Variants in NUP85 observed in about 807,000 individuals in gnomAD.
NUP85 encodes nucleoporin 85.
NUP85 carries 23 observed loss-of-function variants against 92.8 expected under a neutral mutation model. The ratio of observed to expected loss-of-function variants is 0.25; its 90% CI spans 0.18 to 0.35. The LOEUF (loss-of-function observed/expected upper bound fraction) is 0.35. Ranked by LOEUF, NUP85 falls within the 10% of genes least tolerant of loss-of-function variation. The pLI, the probability that NUP85 is intolerant of heterozygous loss-of-function variation, is 1.00. For missense variants in NUP85, 759 were observed against 822.8 expected (o/e 0.92, Z 0.95); for synonymous variants, 314 against 306.9 (o/e 1.02, Z -0.24).
chr17:75,212,081 TGCGC>T lies in NUP85; in HGVS notation c.361+23_361+26del, dbSNP rs539810910. The stretch of plus-strand genomic sequence containing the variant: ...GTTGCAAGTAAGGACTGTGTGCGCG[TGCGC>T]GCGTGTGTGTGTGTGTGTGTGTGTG... On this transcript the variant is annotated intron_variant, in intron 4 of 18. Coordinates refer to ENST00000245544, the MANE Select transcript of NUP85 (RefSeq NM_024844.5). 17 of 1,311,752 alleles carry T rather than the reference TGCGC, an allele frequency of 1.3e-5. No individual in the cohort carries two copies. The highest frequency in any genetic ancestry group is 9.6e-5 in the East Asian group (4 of 41,596). The allele number at this position is 1,311,752 out of a possible 1,614,324, so 81.3% of individuals were successfully genotyped here.
Position 75,225,140 on chromosome 17 carries a change from C to G in NUP85, c.635C>G (p.Ala212Gly). 3.1e-6 allele frequency: 5 copies of G among 1,596,740 alleles called. No individual in the cohort carries two copies. The highest frequency in any genetic ancestry group is 4.3e-6 in the Non-Finnish European group (5 of 1,169,944). The change falls in exon 8 of 19, where the codon GCC becomes GGC. Residue 212 changes from alanine (A) to glycine (G), a missense_variant. Coordinates refer to ENST00000245544, the MANE Select transcript of NUP85 (RefSeq NM_024844.5). ...GTGCTGCAGGGCCGGCTGGATGAGGCCCGACAGATGCTCTCCAAGGAAGCC... is the reference window on the plus strand; with the variant it reads ...GTGCTGCAGGGCCGGCTGGATGAGGGCCGACAGATGCTCTCCAAGGAAGCC... ...ILVLQGRLDE[A>G]RQMLSKEADA... is the part of the protein sequence containing the mutation.
chr17:75,218,063 C>A, intron 6 of NUP85, 122 bp from the exon 7 acceptor site: 1 of 1,313,926 alleles, frequency 7.6e-7, no homozygotes, highest in South Asian at 1.3e-5. Context: ...TGTGTGACTG[C>A]TTAAAAGGGA....
rs554160532 is a variant in NUP85, at chr17:75,225,190, A to G, written c.685A>G (p.Ile229Val). The G allele has an allele frequency of 3.7e-6, 6 of 1,610,292 alleles. No homozygotes were observed. The African/African-American group carries it at 8.0e-5, about 21-fold the overall frequency. ...EADASPASAG[I>V]CRIMGDLMRT... ...CGATGCCAGCCCCGCCTCTGCAGGC[A>G]TATGCCGAATCATGGGGGACCTGAT... The change falls in exon 8 of 19, where the codon ATA (isoleucine) becomes GTA (valine). Residue 229 changes from isoleucine to valine, a missense_variant. Ile to Val is a conservative substitution (Grantham distance 29). Coordinates refer to ENST00000245544, the MANE Select transcript of NUP85 (RefSeq NM_024844.5).
At chr17:75,220,437 T>A (rs117176100) in intron 7 of NUP85, among the ~76,000 whole-genome samples, 4,481 of 151,082 alleles carry the variant, frequency 0.03, 108 homozygotes, top group Non-Finnish European at 0.045. Flanking sequence ...TTTTTTTTTT[T>A]AAATACAGTT....
chr17:75,228,344 G>A, intron 11 of NUP85: 7 of 985,418 alleles, frequency 7.1e-6, no homozygotes, highest in Non-Finnish European at 8.4e-6. Context: ...CCCAGTCTCA[G>A]CCTCTCTCCA....
rs778376904 is a variant in NUP85, at chr17:75,235,101, T to C, written c.1769T>C (p.Val590Ala). The change falls in exon 18 of 19, where the codon GTG (valine) becomes GCG (alanine). Residue 590 changes from valine to alanine, a missense_variant and splice_region_variant. Val to Ala is a moderately conservative substitution (Grantham distance 64). Coordinates refer to ENST00000245544, the MANE Select transcript of NUP85 (RefSeq NM_024844.5). ...DALPLLEQKQVIFSAEQTYEL... is the reference protein window; with the variant it reads ...DALPLLEQKQAIFSAEQTYEL... ...AGCAAGGCAGGCTCTCTTCCCTAGG[T>C]GATTTTCTCAGCAGAACAGACTTAT... 5.6e-6 allele frequency: 9 copies of C among 1,613,168 alleles called. No homozygotes were observed. Among genetic ancestry groups the C allele is most frequent in the South Asian group, 3.3e-5 (3 of 91,040 alleles).
intron 16 of NUP85, 23 bp downstream of exon 16, chr17:75,233,181 C>G: frequency 6.2e-7 from 1 of 1,607,804 alleles, no homozygotes; most frequent in Non-Finnish European, 8.5e-7. Flanking sequence ...GTTTTGTGCC[C>G]TGTGCTTTGG....
intron 16 of NUP85, among the ~76,000 whole-genome samples, chr17:75,233,798 C>T (rs907782992): frequency 7.2e-5 from 11 of 152,048 alleles, no homozygotes; most frequent in Non-Finnish European, 1.6e-4. Context: ...TGGGGTTTCA[C>T]CGTGTTAGCC....
chr17:75,218,348 T>C, intron 7 of NUP85, 42 bp downstream of exon 7: 23 of 1,609,164 alleles, frequency 1.4e-5, no homozygotes, highest in Non-Finnish European at 2.0e-5. Context: ...TGTGTCCTAC[T>C]GTCCCTGGTG....
intron 7 of NUP85, among the ~76,000 whole-genome samples, 181 bp downstream of exon 7, chr17:75,218,487 A>G (rs1028764417): frequency 2.0e-5 from 3 of 152,094 alleles, no homozygotes; most frequent in South Asian, 2.1e-4. Flanking sequence ...CCGAGGTACC[A>G]TGTAAGAAAA....
chr17:75,231,793 AGCACCTCAT>A lies in NUP85; in HGVS notation c.1245-33_1245-25del. On this transcript the variant is annotated intron_variant, in intron 13 of 18. Coordinates refer to ENST00000245544, the MANE Select transcript of NUP85 (RefSeq NM_024844.5). The surrounding 1 kb of genome is among the most constrained non-coding windows in gnomAD (Gnocchi z 4.6). ...GTGCCAGTCCTCGGAGCCATGAGGC[AGCACCTCAT>A]GTCTGTCCTCCTCGAACCTTTGCAG... 1.2e-6 allele frequency: 2 copies of A among 1,612,176 alleles called. No homozygotes were observed. The highest frequency in any genetic ancestry group is 1.7e-6 in the Non-Finnish European group (2 of 1,178,620).
chr17:75,213,935 G>A (rs1175153134), intron 5 of NUP85, among the ~76,000 whole-genome samples: 1 of 143,402 alleles, frequency 7.0e-6, no homozygotes, highest in Non-Finnish European at 1.5e-5. Flanking sequence ...GCAGTGGCGC[G>A]ATCTCGGCTC....
intron 16 of NUP85, among the ~76,000 whole-genome samples, chr17:75,234,269 C>T (rs1378633818): frequency 1.3e-5 from 2 of 151,824 alleles, no homozygotes; most frequent in Admixed American, 1.3e-4. Flanking sequence ...CCAGGTTGGT[C>T]TCAAACTCCT....
At chr17:75,213,957 C>T (rs959319211) in intron 5 of NUP85, among the ~76,000 whole-genome samples, 49 of 151,316 alleles carry the variant, frequency 3.2e-4, no homozygotes, top group African/African-American at 1.0e-3. Flanking sequence ...CTGCAAGCTC[C>T]GCCTCCCAGG....
chr17:75,212,237 T>TG (rs1231288479), intron 4 of NUP85, among the ~76,000 whole-genome samples, 175 bp downstream of exon 4: 8 of 3,490 alleles, frequency 2.3e-3, no homozygotes, highest in East Asian at 0.019. Context: ...AGGTTTTTTT[T>TG]TTTGTTGTTG....
At chr17:75,233,656 T>A (rs2076192555) in intron 16 of NUP85, among the ~76,000 whole-genome samples, 1 of 151,590 alleles carries the variant, frequency 6.6e-6, no homozygotes, top group African/African-American at 2.4e-5. Flanking sequence ...TGGAGTGCAG[T>A]GGCGTGATCT....
intron 11 of NUP85, among the ~76,000 whole-genome samples, chr17:75,229,902 A>C (rs913808277): frequency 3.3e-5 from 5 of 152,124 alleles, no homozygotes; most frequent in Non-Finnish European, 7.3e-5. Flanking sequence ...CGACATAACC[A>C]TCAGCTAGAA....
At chr17:75,208,685 T>A in intron 2 of NUP85, 65 bp downstream of exon 2, 2 of 877,848 alleles carry the variant, frequency 2.3e-6, no homozygotes, top group Non-Finnish European at 3.8e-6. Context: ...GTTTATTACC[T>A]CAGATTTTAC....
intron 5 of NUP85, among the ~76,000 whole-genome samples, chr17:75,214,185 C>T (rs2075359480): frequency 6.6e-6 from 1 of 152,116 alleles, no homozygotes; most frequent in South Asian, 2.1e-4. Context: ...CTCTACTTTA[C>T]TTGGAGCTGG....
Sources: allele counts gnomAD v4.1 joint callset (sites outside exome capture counted in the v4.1 genomes callset), GRCh38; gene constraint gnomAD v4.1.1; non-coding constraint Gnocchi (gnomAD v3.1); transcripts MANE v1.5; gene names NCBI Gene and HGNC (gene_info 2026-07-23, HGNC 2026-07-21).